Variants in SMTNL2 observed in about 807,000 individuals in gnomAD.
SMTNL2 encodes smoothelin like 2, also known as smoothelin-like protein 2.
Under a neutral mutation model 44.1 loss-of-function variants are expected in SMTNL2, and 43 were observed. The ratio of observed to expected loss-of-function variants is 0.98; its 90% CI spans 0.76 to 1.26. The LOEUF (loss-of-function observed/expected upper bound fraction) is 1.26, where lower values mean the gene tolerates loss of function less well. SMTNL2 is among the 50% of genes most tolerant of loss of function. The pLI is 0.00. For missense variants in SMTNL2, 646 were observed against 670.2 expected, an observed-to-expected ratio of 0.96 and a Z score of 0.40; for synonymous variants, 317 against 287.6, an observed-to-expected ratio of 1.10 and a Z score of -1.03.
Position 4,595,016 on chromosome 17 carries a change from G to C in SMTNL2, c.807-129G>C. 2.4e-6 allele frequency: 3 copies of C among 1,242,826 alleles called. No individual in the cohort carries two copies. Among genetic ancestry groups the C allele is most frequent in the Non-Finnish European group, 3.4e-6 (3 of 874,096 alleles). 77.0% of individuals were successfully genotyped at this position (1,242,826 alleles called of 1,614,324 possible). A position where few individuals can be genotyped will look rare whatever the true frequency, so the allele number is the denominator to read the frequency against. On this transcript the variant is annotated intron_variant, in intron 4 of 7. Coordinates refer to ENST00000389313, the MANE Select transcript of SMTNL2 (RefSeq NM_001114974.2). This position sits in a 1 kb window ranked among gnomAD's most constrained non-coding sequence, Gnocchi z 5.1. ...ACCAGCTAGGGACCGGAGCAAGGGG[G>C]CCTCTTCTCTGAGCGCCCATCACGG...
intron 1 of SMTNL2, among the ~76,000 whole-genome samples, chr17:4,587,575 T>C (rs34623487): frequency 0.049 from 7,421 of 152,232 alleles, 267 homozygotes; most frequent in Non-Finnish European, 0.076. Context: ...GTGTCTGACC[T>C]CTCAGACTTT....
chr17:4,588,987 G>C (rs909432925), intron 1 of SMTNL2, among the ~76,000 whole-genome samples: 3 of 152,160 alleles, frequency 2.0e-5, no homozygotes, highest in Non-Finnish European at 4.4e-5. Flanking sequence ...CCTAAGGCAC[G>C]GGCAGACCCC....
At chr17:4,586,079 G>A (rs894680565) in intron 1 of SMTNL2, among the ~76,000 whole-genome samples, 1 of 152,194 alleles carries the variant, frequency 6.6e-6, no homozygotes, top group Non-Finnish European at 1.5e-5. Context: ...ATGAGGGTGG[G>A]GTGGGGGCTG....
chr17:4,598,949 C>T lies in SMTNL2; in HGVS notation c.1259+1626C>T, dbSNP rs538520097. 1.4e-4 allele frequency among the ~76,000 whole-genome samples: 22 copies of T among 152,316 alleles called. No individual in the cohort carries two copies. The highest frequency in any genetic ancestry group is 3.9e-4 in the Admixed American group (6 of 15,306). ...AACCACCTGGCCCCGGCCCCAGCCCCGGCCCTGGCCCACCACCCCGGCCCC... is the reference window on the plus strand; with the variant it reads ...AACCACCTGGCCCCGGCCCCAGCCCTGGCCCTGGCCCACCACCCCGGCCCC... On this transcript the variant is annotated intron_variant, in intron 7 of 7. Coordinates refer to ENST00000389313, the MANE Select transcript of SMTNL2 (RefSeq NM_001114974.2). This position sits in a 1 kb window ranked among gnomAD's most constrained non-coding sequence, Gnocchi z 4.8.
Position 4,598,269 on chromosome 17 carries a change from A to G in SMTNL2, c.1259+946A>G, listed in dbSNP as rs756598000. ...CAGGGCCTCATGGTGACTGAACCCA[A>G]TCTGAAGACAGAGGGCCAGGGCTGT... On this transcript the variant is annotated intron_variant, in intron 7 of 7. Transcript: ENST00000389313. This position sits in a 1 kb window ranked among gnomAD's most constrained non-coding sequence, Gnocchi z 4.8. Among the ~76,000 whole-genome samples the G allele has an allele frequency of 6.6e-6, 1 of 152,150 alleles. No homozygotes were observed. Among genetic ancestry groups the G allele is most frequent in the Non-Finnish European group, 1.5e-5 (1 of 68,030 alleles).
rs536117984 is a variant in SMTNL2, at chr17:4,592,478, G to A, written c.487+30G>A. ...GGCTGACGGCAGAGGAGGGGTGGCT[G>A]GGTAGGTTTGGGGGTTAAGTAAGGC... On this transcript the variant is annotated intron_variant, in intron 2 of 7. Coordinates refer to ENST00000389313, the MANE Select transcript of SMTNL2 (RefSeq NM_001114974.2). The surrounding 1 kb of genome is among the most constrained non-coding windows in gnomAD (Gnocchi z 4.5). The A allele has an allele frequency of 1.9e-6, 3 of 1,597,148 alleles. No individual in the cohort carries two copies. In the African/African-American group the frequency reaches 4.0e-5, roughly 21 times the overall value.
At position 4,584,588 on chromosome 17, in the gene SMTNL2, C is replaced by G. The variant is rs8070814; in HGVS notation, c.-18C>G. The G allele has an allele frequency of 1.6e-6, 2 of 1,224,524 alleles. No homozygotes were observed. Among genetic ancestry groups the G allele is most frequent in the Admixed American group, 8.6e-5 (2 of 23,140 alleles). 75.9% of individuals were successfully genotyped at this position (1,224,524 alleles called of 1,614,324 possible). ...TCCCCCGTCTGGCCCGCTCTCGACC[C>G]GCGCGCTCTGCTGGGCCATGGAGCC... On this transcript the variant is annotated 5_prime_UTR_variant, in exon 1 of 8. Transcript: ENST00000389313.
At position 4,598,133 on chromosome 17, in the gene SMTNL2, T is replaced by C. The variant is rs892093253; in HGVS notation, c.1259+810T>C. On this transcript the variant is annotated intron_variant, in intron 7 of 7. Coordinates refer to ENST00000389313, the MANE Select transcript of SMTNL2 (RefSeq NM_001114974.2). This position sits in a 1 kb window ranked among gnomAD's most constrained non-coding sequence, Gnocchi z 4.8. ...AGCCCGTGGCCTGGGTGCGGAGGACTGTCTGATAAGAGCTGCGCTTTGGGC... is the reference window on the plus strand; with the variant it reads ...AGCCCGTGGCCTGGGTGCGGAGGACCGTCTGATAAGAGCTGCGCTTTGGGC... 3.3e-5 allele frequency among the ~76,000 whole-genome samples: 5 copies of C among 152,224 alleles called. No homozygotes were observed. The highest frequency in any genetic ancestry group is 5.9e-5 in the Non-Finnish European group (4 of 68,036).
intron 7 of SMTNL2, among the ~76,000 whole-genome samples, chr17:4,603,398 G>C (rs1282177368): frequency 6.6e-6 from 1 of 152,230 alleles, no homozygotes; most frequent in African/African-American, 2.4e-5. Flanking sequence ...TATGGGGTCA[G>C]CAGGTAGAAA....
chr17:4,586,390 G>A (rs928850074), intron 1 of SMTNL2, among the ~76,000 whole-genome samples: 1 of 152,068 alleles, frequency 6.6e-6, no homozygotes, highest in Non-Finnish European at 1.5e-5. Context: ...CTGTGTCATC[G>A]GTTGTTTCTG....
chr17:4,601,452 T>G (rs1910025935), intron 7 of SMTNL2, among the ~76,000 whole-genome samples: 1 of 152,156 alleles, frequency 6.6e-6, no homozygotes, highest in Non-Finnish European at 1.5e-5. Flanking sequence ...TAACTCTGGT[T>G]CTTGCTATGG....
At position 4,595,023 on chromosome 17, in the gene SMTNL2, C is replaced by A; in HGVS notation, c.807-122C>A. ...AGGGACCGGAGCAAGGGGGCCTCTT[C>A]TCTGAGCGCCCATCACGGTGCAGGC... On this transcript the variant is annotated intron_variant, in intron 4 of 7. Transcript: ENST00000389313. The surrounding 1 kb of genome is among the most constrained non-coding windows in gnomAD (Gnocchi z 5.1). 1 of 1,339,782 alleles carries A rather than the reference C, an allele frequency of 7.5e-7. No individual in the cohort carries two copies. The highest frequency in any genetic ancestry group is 1.0e-6 in the Non-Finnish European group (1 of 955,664). 83.0% of individuals were successfully genotyped at this position (1,339,782 alleles called of 1,614,324 possible). A position where few individuals can be genotyped will look rare whatever the true frequency, so the allele number is the denominator to read the frequency against.
At chr17:4,591,045 G>A (rs986039582) in intron 1 of SMTNL2, among the ~76,000 whole-genome samples, 8 of 152,132 alleles carry the variant, frequency 5.3e-5, no homozygotes, top group Admixed American at 2.0e-4. Flanking sequence ...CTCCTCCACC[G>A]GGCTCACTCT....
At chr17:4,599,559 T>A (rs2150524278) in intron 7 of SMTNL2, among the ~76,000 whole-genome samples, 1 of 152,260 alleles carries the variant, frequency 6.6e-6, no homozygotes, top group Middle Eastern at 3.4e-3. Flanking sequence ...TCTTGCAGGA[T>A]TCTTCCTTGT....
intron 1 of SMTNL2, among the ~76,000 whole-genome samples, chr17:4,588,632 C>T (rs2127226): frequency 0.68 from 103,564 of 151,868 alleles, 36,709 homozygotes; most frequent in Non-Finnish European, 0.77. Context: ...TTGAAGACCT[C>T]TGAGTTCTGT....
chr17:4,595,397 T>G lies in SMTNL2; in HGVS notation c.989+70T>G. 1.3e-6 allele frequency: 2 copies of G among 1,558,582 alleles called. No individual in the cohort carries two copies. Among genetic ancestry groups the G allele is most frequent in the Non-Finnish European group, 8.7e-7 (1 of 1,149,354 alleles). On this transcript the variant is annotated intron_variant, in intron 5 of 7. Coordinates refer to ENST00000389313, the MANE Select transcript of SMTNL2 (RefSeq NM_001114974.2). The surrounding 1 kb of genome is among the most constrained non-coding windows in gnomAD (Gnocchi z 5.1). ...CAGACCCAGACGGGGCTTGGGTGGG[T>G]GCAGCAGGGCAAGGTTCAGCCCTGT...
chr17:4,605,778 G>A (rs1165338634), intron 7 of SMTNL2, among the ~76,000 whole-genome samples: 1 of 152,104 alleles, frequency 6.6e-6, no homozygotes, highest in African/African-American at 2.4e-5. Flanking sequence ...TTGCCTTTTT[G>A]GTTCTGCCTG....
At chr17:4,605,362 T>C (rs1567639048) in intron 7 of SMTNL2, among the ~76,000 whole-genome samples, 1 of 151,894 alleles carries the variant, frequency 6.6e-6, no homozygotes, top group African/African-American at 2.4e-5. Flanking sequence ...GGTTTTGCTG[T>C]GTTGTCCAGG....
rs1450047723 is a variant in SMTNL2, at chr17:4,596,968, G to C, written c.1098G>C (p.Leu366=). 6.6e-6 allele frequency: 10 copies of C among 1,509,580 alleles called. No individual in the cohort carries two copies. The East Asian group carries it at 2.5e-4, about 37-fold the overall frequency. 93.5% of individuals were successfully genotyped at this position (1,509,580 alleles called of 1,614,324 possible). The change falls in exon 6 of 8, where the codon CTG becomes CTC. Residue 366 remains leucine (L), a synonymous_variant. Transcript: ENST00000389313. ...TCGAGTGGTGCCGCAGCAAGACGCT[G>C]GGCTACCAGGTGAGCCCCGGCTCCC... ...ILLEWCRSKT[L]GYQHVDLQNF...
Sources: gnomAD v4.1 joint callset for allele counts (sites outside exome capture counted in the v4.1 genomes callset) on GRCh38, gnomAD v4.1.1 for gene constraint, Gnocchi (gnomAD v3.1) non-coding constraint, MANE v1.5 for transcripts, NCBI Gene and HGNC (gene_info 2026-07-23, HGNC 2026-07-21) for gene names.